Variants in AHCYL2 observed in about 807,000 individuals in gnomAD.
AHCYL2 encodes S-adenosylhomocysteine hydrolase-like protein 2.
Under a neutral mutation model 81.4 loss-of-function variants are expected in AHCYL2, and 28 were observed. The ratio of observed to expected loss-of-function variants is 0.34; its 90% CI spans 0.25 to 0.47. AHCYL2 has a LOEUF of 0.47. Ranked by LOEUF, AHCYL2 falls within the 20% of genes least tolerant of loss-of-function variation. The pLI is 1.00. For synonymous variants in AHCYL2, 272 were observed against 290.2 expected, an observed-to-expected ratio of 0.94 and a Z score of 0.64; for missense variants, 551 against 785.1, an observed-to-expected ratio of 0.70 and a Z score of 3.56.
intron 1 of AHCYL2, among the ~76,000 whole-genome samples, chr7:129,350,626 C>T (rs1793525332): frequency 1.3e-5 from 2 of 151,610 alleles, no homozygotes; most frequent in Non-Finnish European, 2.9e-5. Flanking sequence ...ACCTTGTGAT[C>T]CTCCTGCCTC....
At chr7:129,331,545 A>G (rs1417636203) in intron 1 of AHCYL2, among the ~76,000 whole-genome samples, 1 of 152,172 alleles carries the variant, frequency 6.6e-6, no homozygotes, top group African/African-American at 2.4e-5. Context: ...TTCTAAGTAC[A>G]TTATTATTTA....
At chr7:129,277,530 T>G (rs977024861) in intron 1 of AHCYL2, among the ~76,000 whole-genome samples, 9 of 152,276 alleles carry the variant, frequency 5.9e-5, no homozygotes, top group African/African-American at 1.7e-4. Flanking sequence ...TCCACCTGCC[T>G]CGGCCTCCCA....
At chr7:129,373,403 AC>A (rs1302817437) in intron 1 of AHCYL2, among the ~76,000 whole-genome samples, 28 of 148,558 alleles carry the variant, frequency 1.9e-4, no homozygotes, top group African/African-American at 7.0e-4. Context: ...TTTAGTAGAA[AC>A]CCTGTCTCTA....
At chr7:129,248,510 C>CT (rs61064725) in intron 1 of AHCYL2, among the ~76,000 whole-genome samples, 21 of 140,234 alleles carry the variant, frequency 1.5e-4, no homozygotes, top group African/African-American at 5.5e-4. Context: ...TTCTTTTTTT[C>CT]TTTTTTTTTT....
intron 12 of AHCYL2, among the ~76,000 whole-genome samples, chr7:129,415,738 C>T (rs765892012): frequency 6.6e-5 from 10 of 151,972 alleles, no homozygotes; most frequent in Non-Finnish European, 1.5e-4. Flanking sequence ...ATTACTTGAG[C>T]CCAGGAGTTC....
chr7:129,389,859 ATG>A, intron 4 of AHCYL2, 125 bp downstream of exon 4: 1 of 673,346 alleles, frequency 1.5e-6, no homozygotes, highest in South Asian at 2.6e-5. Context: ...AATCCTTATA[ATG>A]GCCATATAAA....
At chr7:129,298,819 CT>C (rs1377065309) in intron 1 of AHCYL2, among the ~76,000 whole-genome samples, 1 of 152,158 alleles carries the variant, frequency 6.6e-6, no homozygotes, top group African/African-American at 2.4e-5. Flanking sequence ...AGTTTCACCT[CT>C]TTTGCCTGTT....
Position 129,426,576 on chromosome 7 carries a change from C to A in AHCYL2, c.1829+13C>A. 6.2e-7 allele frequency: 1 copy of A among 1,610,946 alleles called. No homozygotes were observed. ...CTAATTACTACAGGTGCCTTGGGCT[C>A]CCCAGAAATCAGGGACACCTGGGCA... On this transcript the variant is annotated intron_variant, in intron 16 of 16. Coordinates refer to ENST00000325006, the MANE Select transcript of AHCYL2 (RefSeq NM_015328.4). This position sits in a 1 kb window ranked among gnomAD's most constrained non-coding sequence, Gnocchi z 4.3.
At chr7:129,272,662 A>C (rs1796060455) in intron 1 of AHCYL2, among the ~76,000 whole-genome samples, 1 of 152,190 alleles carries the variant, frequency 6.6e-6, no homozygotes, top group Admixed American at 6.5e-5. Flanking sequence ...GGTTACATAG[A>C]CCATAGAAAA....
chr7:129,426,738 C>T lies in AHCYL2; in HGVS notation c.1829+175C>T, dbSNP rs980786222. Among the ~76,000 whole-genome samples, 12 of 151,820 alleles carry T rather than the reference C, an allele frequency of 7.9e-5. 1 individual carries two copies. The highest frequency in any genetic ancestry group is 2.6e-4 in the Admixed American group (4 of 15,232). On this transcript the variant is annotated intron_variant, in intron 16 of 16. Transcript: ENST00000325006. The surrounding 1 kb of genome is among the most constrained non-coding windows in gnomAD (Gnocchi z 4.3). Reference sequence around the variant, plus strand: ...CAAGGCCTTAAATAGTATTCCCCTTCCTGAATTTGCCTTTTGGAGATAGAG... The same window carrying T: ...CAAGGCCTTAAATAGTATTCCCCTTTCTGAATTTGCCTTTTGGAGATAGAG...
In AHCYL2 at chr7:129,405,124, G is replaced by A. The variant is rs1440543592; in HGVS notation, c.1053G>A (p.Lys351=). The stretch of plus-strand genomic sequence containing the variant: ...TGTACCAACTGTCCAAAGCTGGGAA[G>A]CTGTGTGTTCCAGCCATGAATGTCA... The part of the protein sequence containing the change: ...HRLYQLSKAG[K]LCVPAMNVND... The change falls in exon 8 of 17, where the codon AAG becomes AAA. Residue 351 remains lysine (K), a synonymous_variant. Transcript: ENST00000325006. 2 of 1,606,284 alleles carry A rather than the reference G, an allele frequency of 1.2e-6. No individual in the cohort carries two copies. Among genetic ancestry groups the A allele is most frequent in the Non-Finnish European group, 1.7e-6 (2 of 1,176,634 alleles).
intron 7 of AHCYL2, among the ~76,000 whole-genome samples, chr7:129,404,841 G>T (rs10268256): frequency 1.3e-5 from 2 of 152,110 alleles, no homozygotes; most frequent in Non-Finnish European, 2.9e-5. Flanking sequence ...ATAGTCTCCA[G>T]TGAAGGCCTT....
intron 1 of AHCYL2, among the ~76,000 whole-genome samples, chr7:129,245,088 A>T (rs1795002061): frequency 6.8e-6 from 1 of 147,654 alleles, no homozygotes; most frequent in South Asian, 2.1e-4. Flanking sequence ...GCAGTGGCAC[A>T]GTCTCGGCTC....
chr7:129,361,604 T>C (rs1232952658), intron 1 of AHCYL2, among the ~76,000 whole-genome samples: 1 of 152,204 alleles, frequency 6.6e-6, no homozygotes, highest in East Asian at 1.9e-4. Flanking sequence ...GCTGTAATTA[T>C]TAACAATAAT....
rs1796702275 is a variant in AHCYL2 at position 129,413,607 on chromosome 7, G to A, written c.1380G>A (p.Val460=). The part of the protein sequence containing the change: ...IVITCTGNKN[V]VTREHLDRMK... ...TCTGTTTTTAAGGTAACAAGAATGTGGTAACCAGAGAGCACTTGGACCGTA... is the reference window on the plus strand; with the variant it reads ...TCTGTTTTTAAGGTAACAAGAATGTAGTAACCAGAGAGCACTTGGACCGTA... Residue 460 remains valine (V), a synonymous_variant, in exon 12 of 17, where the codon GTG becomes GTA. Coordinates refer to ENST00000325006, the MANE Select transcript of AHCYL2 (RefSeq NM_015328.4). The A allele has an allele frequency of 6.8e-6, 11 of 1,613,886 alleles. No homozygotes were observed. Among genetic ancestry groups the A allele is most frequent in the Non-Finnish European group, 8.5e-6 (10 of 1,179,824 alleles).
Position 129,428,601 on chromosome 7 carries a change from C to T in AHCYL2, c.*1556C>T, listed in dbSNP as rs1351803413. On this transcript the variant is annotated 3_prime_UTR_variant, in exon 17 of 17. Transcript: ENST00000325006. The stretch of plus-strand genomic sequence containing the variant: ...TCAAAGTCTCAAGACCAAGGTGACT[C>T]AAGATAACACCAGACCACGCATGAT... 1 of 152,206 alleles carries T rather than the reference C, an allele frequency of 6.6e-6. No homozygotes were observed. Among genetic ancestry groups the T allele is most frequent in the African/African-American group, 2.4e-5 (1 of 41,436 alleles). The allele number at this position is 152,206 out of a possible 1,614,324, so 9.4% of individuals were successfully genotyped here.
At chr7:129,327,385 A>G (rs950925421) in intron 1 of AHCYL2, among the ~76,000 whole-genome samples, 2 of 152,232 alleles carry the variant, frequency 1.3e-5, no homozygotes, top group Non-Finnish European at 2.9e-5. Flanking sequence ...TGTGAGGAAT[A>G]AATGTCTGTT....
Position 129,225,268 on chromosome 7 carries a change from C to G in AHCYL2, c.192C>G (p.Gly64=). The change falls in exon 1 of 17, where the codon GGC becomes GGG. Residue 64 remains glycine (G), a synonymous_variant. Coordinates refer to ENST00000325006, the MANE Select transcript of AHCYL2 (RefSeq NM_015328.4). ...CCGCGGAGCGGCCCCCGGTCCCCGG[C>G]CCGGGCTCGGGGCCCGCCGCCGCTC... ...APAAERPPVP[G]PGSGPAAALS... 6.9e-7 allele frequency: 1 copy of G among 1,453,286 alleles called. No individual in the cohort carries two copies. Among genetic ancestry groups the G allele is most frequent in the South Asian group, 1.4e-5 (1 of 73,448 alleles). 90.0% of individuals were successfully genotyped at this position (1,453,286 alleles called of 1,614,324 possible).
intron 4 of AHCYL2, among the ~76,000 whole-genome samples, chr7:129,395,995 G>A (rs1795717820): frequency 6.6e-6 from 1 of 152,190 alleles, no homozygotes; most frequent in South Asian, 2.1e-4. Flanking sequence ...ACTCTTTGGA[G>A]GGCAGTTCAC....
Sources: allele counts gnomAD v4.1 joint callset (sites outside exome capture counted in the v4.1 genomes callset), GRCh38; gene constraint gnomAD v4.1.1; non-coding constraint Gnocchi (gnomAD v3.1); transcripts MANE v1.5; gene names NCBI Gene and HGNC (gene_info 2026-07-23, HGNC 2026-07-21).